Variants in PRELID2 observed in about 807,000 individuals in gnomAD.
The protein encoded by PRELID2 is PRELI domain-containing protein 2.
Under a neutral mutation model 28.4 loss-of-function variants are expected in PRELID2, and 25 were observed. That is an observed-to-expected ratio of 0.88 (90% CI 0.64 to 1.23). PRELID2 has a LOEUF of 1.23. Among genes scored for constraint, PRELID2 ranks in the 50% most tolerant of loss-of-function variants. The pLI is 0.00. For synonymous variants in PRELID2, 76 were observed against 71.6 expected (o/e 1.06, Z -0.31); for missense variants, 201 against 214.4 (o/e 0.94, Z 0.39).
intron 1 of PRELID2, among the ~76,000 whole-genome samples, chr5:145,579,727 T>A (rs985358100): frequency 5.3e-5 from 8 of 152,070 alleles, no homozygotes; most frequent in African/African-American, 1.9e-4. Flanking sequence ...CCCCCCTTTG[T>A]CTGAGGAGGG....
chr5:145,820,511 A>G (rs421289), intron 2 of PRELID2, among the ~76,000 whole-genome samples: 109,371 of 152,012 alleles, frequency 0.72, 40,168 homozygotes, highest in Non-Finnish European at 0.81. Flanking sequence ...CAACAAAAAG[A>G]GGGAGAACCT....
the PRELID2 span, among the ~76,000 whole-genome samples, chr5:145,327,296 T>A: frequency 6.6e-6 from 1 of 152,084 alleles, no homozygotes; most frequent in African/African-American, 2.4e-5. Context: ...CATTAAGATG[T>A]TTTGATGTTG....
chr5:145,819,403 A>C, intron 3 of PRELID2: 4 of 1,602,794 alleles, frequency 2.5e-6, no homozygotes, highest in South Asian at 2.2e-5. Flanking sequence ...GAATCACCAG[A>C]GTGCTTAAGG....
the PRELID2 span, among the ~76,000 whole-genome samples, chr5:145,463,361 G>A: frequency 2.8e-5 from 3 of 108,932 alleles, no homozygotes; most frequent in East Asian, 7.6e-4. Flanking sequence ...TTTTTTTTTA[G>A]TGTCTTTAGT....
intron 1 of PRELID2, among the ~76,000 whole-genome samples, chr5:145,688,818 T>C (rs1256742696): frequency 1.3e-5 from 2 of 152,172 alleles, no homozygotes; most frequent in Non-Finnish European, 2.9e-5. Flanking sequence ...CTAAAGGCAA[T>C]GGGAAGCCAA....
intron 1 of PRELID2, among the ~76,000 whole-genome samples, chr5:145,714,833 C>T (rs757330008): frequency 1.3e-5 from 2 of 152,078 alleles, no homozygotes. Context: ...ATCCCTCTTT[C>T]CTGCTCTTCT....
intron 1 of PRELID2, among the ~76,000 whole-genome samples, chr5:145,592,756 T>G (rs966686869): frequency 2.0e-5 from 3 of 152,134 alleles, no homozygotes; most frequent in Admixed American, 2.0e-4. Flanking sequence ...AAATTATGTT[T>G]TAATAATTAT....
the PRELID2 span, chr5:145,441,043 C>T: frequency 6.6e-6 from 1 of 152,072 alleles, no homozygotes; most frequent in Non-Finnish European, 1.5e-5. Flanking sequence ...ATGTCATCAG[C>T]ATATGGGAGT....
chr5:145,343,896 CA>C, the PRELID2 span, among the ~76,000 whole-genome samples: 4 of 151,684 alleles, frequency 2.6e-5, 1 homozygote, highest in African/African-American at 4.8e-5. Flanking sequence ...TATATACCAA[CA>C]GACTGAAAAC....
At chr5:145,576,165 T>C (rs1753058473) in intron 1 of PRELID2, among the ~76,000 whole-genome samples, 1 of 152,134 alleles carries the variant, frequency 6.6e-6, no homozygotes. Flanking sequence ...AGTGTGCAAG[T>C]CAATATTTTT....
chr5:145,482,252 T>C (rs1308546822), intron 1 of PRELID2, among the ~76,000 whole-genome samples: 1 of 152,160 alleles, frequency 6.6e-6, no homozygotes, highest in Non-Finnish European at 1.5e-5. Context: ...TGGAATCTTA[T>C]CACATAGTCA....
intron 4 of PRELID2, 89 bp downstream of exon 4, chr5:145,817,805 A>G (rs988323290): frequency 1.9e-6 from 2 of 1,079,750 alleles, no homozygotes; most frequent in African/African-American, 3.3e-5. Flanking sequence ...AACAGTGGTC[A>G]TAAGTATAGA....
chr5:145,490,671 T>G (rs1361099009), intron 1 of PRELID2, among the ~76,000 whole-genome samples: 1 of 152,216 alleles, frequency 6.6e-6, no homozygotes, highest in African/African-American at 2.4e-5. Context: ...AAATTTATCA[T>G]AAGTTTTCAA....
the PRELID2 span, among the ~76,000 whole-genome samples, chr5:145,324,749 C>A: frequency 6.6e-6 from 1 of 152,102 alleles, no homozygotes; most frequent in Non-Finnish European, 1.5e-5. Flanking sequence ...CCCAAATCAA[C>A]CTTGTGTGTT....
At chr5:145,513,097 C>A (rs981037841) in intron 1 of PRELID2, among the ~76,000 whole-genome samples, 1 of 152,036 alleles carries the variant, frequency 6.6e-6, no homozygotes, top group African/African-American at 2.4e-5. Flanking sequence ...AGGATCACGA[C>A]TCCTCGCCAG....
At chr5:145,650,322 C>T (rs755916242) in intron 1 of PRELID2, among the ~76,000 whole-genome samples, 2 of 151,868 alleles carry the variant, frequency 1.3e-5, no homozygotes, top group Non-Finnish European at 2.9e-5. Context: ...AGGATCACCT[C>T]TATGGGATTC....
chr5:145,347,458 A>C, the PRELID2 span, among the ~76,000 whole-genome samples: 1 of 152,136 alleles, frequency 6.6e-6, no homozygotes, highest in Non-Finnish European at 1.5e-5. Context: ...CTGTTTCCTC[A>C]AAAATAGGGC....
chr5:145,553,191 C>T lies in PRELID2; in HGVS notation n.71-79876G>A, dbSNP rs997968523. Among the ~76,000 whole-genome samples the T allele has an allele frequency of 2.8e-5, 4 of 141,488 alleles. 1 individual carries two copies. The highest frequency in any genetic ancestry group is 8.3e-5 in the African/African-American group (3 of 36,244). 92.8% of individuals were successfully genotyped at this position (141,488 alleles called of 152,430 possible). A position where few individuals can be genotyped will look rare whatever the true frequency, so the allele number is the denominator to read the frequency against. On this transcript the variant is annotated intron_variant and non_coding_transcript_variant, in intron 1 of 2. Coordinates refer to the PRELID2 transcript ENST00000510259. ...TACCAGTTGCTAGAGGACCCCCCCC[C>T]CCAAAAAAAAAGGGAGCTGTTAATT...
chr5:145,488,123 C>CAAAAAAA (rs10643402), intron 1 of PRELID2, among the ~76,000 whole-genome samples: 1 of 101,386 alleles, frequency 9.9e-6, no homozygotes, highest in Non-Finnish European at 1.9e-5. Context: ...GACTCTGTCT[C>CAAAAAAA]AAAAAAAAAA....
Sources: gnomAD v4.1 joint callset for allele counts (sites outside exome capture counted in the v4.1 genomes callset) on GRCh38, gnomAD v4.1.1 for gene constraint, MANE v1.5 for transcripts, NCBI Gene and HGNC (gene_info 2026-07-23, HGNC 2026-07-21) for gene names.